The following ANKRD46 variants were observed in gnomAD, a reference collection of about 807,000 sequenced individuals.
The protein encoded by ANKRD46 is ankyrin repeat domain 46.
ANKRD46 carries 13 observed loss-of-function variants against 19.8 expected under a neutral mutation model. The ratio of observed to expected loss-of-function variants is 0.66; its 90% CI spans 0.43 to 1.04. The LOEUF (loss-of-function observed/expected upper bound fraction) is 1.04, where lower values mean the gene tolerates loss of function less well. ANKRD46 is among the 50% of genes least tolerant of loss of function. ANKRD46 has a pLI of 0.00. For synonymous variants in ANKRD46, 91 were observed against 106.9 expected, an observed-to-expected ratio of 0.85 and a Z score of 0.92; for missense variants, 185 against 274.8, an observed-to-expected ratio of 0.67 and a Z score of 2.31.
chr8:100,516,368 T>C (rs1339879717), downstream of ANKRD46, among the ~76,000 whole-genome samples: 1 of 152,226 alleles, frequency 6.6e-6, no homozygotes, highest in Non-Finnish European at 1.5e-5. Flanking sequence ...AAGACTGCAT[T>C]TTGAATATGA....
rs767492947 is a variant in ANKRD46 at position 100,529,767 on chromosome 8, C to T, written c.67G>A (p.Gly23Arg). The change falls in exon 3 of 5, where the codon GGG becomes AGG. Residue 23 changes from glycine to arginine, a missense_variant. Transcript: ENST00000335659. This position sits in a 1 kb window ranked among gnomAD's most constrained non-coding sequence, Gnocchi z 5.8. The stretch of plus-strand genomic sequence containing the variant: ...AGCCGCTTGGAATAATTAAAGTCCC[C>T]ATCAATACAGGCTTGCAGCAAGGGC... ...NVPLLQACID[G>R]DFNYSKRLLE... is the part of the protein sequence containing the mutation. 1 of 1,614,220 alleles carries T rather than the reference C, an allele frequency of 6.2e-7. No homozygotes were observed. Among genetic ancestry groups the T allele is most frequent in the South Asian group, 1.1e-5 (1 of 91,086 alleles).
intron 1 of ANKRD46, among the ~76,000 whole-genome samples, chr8:100,552,430 A>G (rs2130706764): frequency 6.6e-6 from 1 of 151,828 alleles, no homozygotes; most frequent in Middle Eastern, 3.4e-3. Flanking sequence ...ACATGAATTT[A>G]ATATATTATT....
Position 100,532,121 on chromosome 8 carries a change from T to C in ANKRD46, c.-28+1088A>G, listed in dbSNP as rs1428305769. On this transcript the variant is annotated intron_variant, in intron 2 of 4. Transcript: ENST00000335659. The surrounding 1 kb of genome is among the most constrained non-coding windows in gnomAD (Gnocchi z 4.7). ...CGAAAAAAAGTTTATGATTAAAAACTACAGAGATTAAAATCAAAATAAACT... is the reference window on the plus strand; with the variant it reads ...CGAAAAAAAGTTTATGATTAAAAACCACAGAGATTAAAATCAAAATAAACT... 6.6e-6 allele frequency among the ~76,000 whole-genome samples: 1 copy of C among 152,148 alleles called. No homozygotes were observed. Among genetic ancestry groups the C allele is most frequent in the Non-Finnish European group, 1.5e-5 (1 of 68,006 alleles).
At chr8:100,515,095 TTTTG>T (rs1811607517) in intron 5 of ANKRD46, among the ~76,000 whole-genome samples, 1 of 152,160 alleles carries the variant, frequency 6.6e-6, no homozygotes, top group Non-Finnish European at 1.5e-5. Flanking sequence ...GTTTTTTTGT[TTTTG>T]TTTTTGTTTT....
chr8:100,537,139 A>G lies in ANKRD46; in HGVS notation c.-130-3828T>C, dbSNP rs1017075926. On this transcript the variant is annotated intron_variant, in intron 1 of 4. Transcript: ENST00000335659. The surrounding 1 kb of genome is among the most constrained non-coding windows in gnomAD (Gnocchi z 4.2). ...AATCTGTAAAACTTTAAGATATAAT[A>G]GTATTCTTAATGGTTAAGGACTAAT... Among the ~76,000 whole-genome samples the G allele has an allele frequency of 2.0e-5, 3 of 152,334 alleles. No homozygotes were observed. Among genetic ancestry groups the G allele is most frequent in the African/African-American group, 7.2e-5 (3 of 41,572 alleles).
In ANKRD46 at chr8:100,521,940, T is replaced by C. The variant is rs1396367035; in HGVS notation, c.*615A>G. The C allele has an allele frequency of 2.0e-6, 2 of 981,880 alleles. No homozygotes were observed. Among genetic ancestry groups the C allele is most frequent in the African/African-American group, 3.5e-5 (2 of 57,258 alleles). 60.8% of individuals were successfully genotyped at this position (981,880 alleles called of 1,614,324 possible). A position where few individuals can be genotyped will look rare whatever the true frequency, so the allele number is the denominator to read the frequency against. On this transcript the variant is annotated 3_prime_UTR_variant, in exon 5 of 5. Transcript: ENST00000335659. Reference sequence around the variant, plus strand: ...AAATTATCCTAAAAACAAATAAATATAAGATCAAATCAATTATCTTTGAAC... The same window carrying C: ...AAATTATCCTAAAAACAAATAAATACAAGATCAAATCAATTATCTTTGAAC...
At chr8:100,556,425 A>G (rs1360608350) in intron 1 of ANKRD46, 1 of 152,242 alleles carries the variant, frequency 6.6e-6, no homozygotes, top group Non-Finnish European at 1.5e-5. Context: ...GCAGTAGGAT[A>G]GCTATTTTAT....
chr8:100,519,470 T>C (rs145546916), downstream of ANKRD46, among the ~76,000 whole-genome samples: 2 of 152,316 alleles, frequency 1.3e-5, no homozygotes, highest in African/African-American at 4.8e-5. Flanking sequence ...CCTACCTTTT[T>C]ATGTAAACGG....
chr8:100,527,723 G>T lies in ANKRD46; in HGVS notation c.470+122C>A. ...CTTAAAAAATCGTATTATCTTGCTG[G>T]GTGTGGCTACATGTGCCTATAGTCC... On this transcript the variant is annotated intron_variant, in intron 4 of 4. Coordinates refer to ENST00000335659, the MANE Select transcript of ANKRD46 (RefSeq NM_001270377.2). This position sits in a 1 kb window ranked among gnomAD's most constrained non-coding sequence, Gnocchi z 4.0. The T allele has an allele frequency of 1.0e-6, 1 of 963,710 alleles. No individual in the cohort carries two copies. The highest frequency in any genetic ancestry group is 1.5e-6 in the Non-Finnish European group (1 of 675,058). 59.7% of individuals were successfully genotyped at this position (963,710 alleles called of 1,614,324 possible).
In ANKRD46 at chr8:100,522,429, T is replaced by C. The variant is rs1811742176; in HGVS notation, c.*126A>G. The C allele has an allele frequency of 2.1e-6, 3 of 1,453,826 alleles. No homozygotes were observed. The East Asian group carries it at 7.5e-5, about 36-fold the overall frequency. 90.1% of individuals were successfully genotyped at this position (1,453,826 alleles called of 1,614,324 possible). A position where few individuals can be genotyped will look rare whatever the true frequency, so the allele number is the denominator to read the frequency against. On this transcript the variant is annotated 3_prime_UTR_variant, in exon 5 of 5. Transcript: ENST00000335659. The stretch of plus-strand genomic sequence containing the variant: ...TCATTATCTAAAAGGATTACAATAA[T>C]TAAAAATGCAAAAAGAACATGTACT...
downstream of ANKRD46, among the ~76,000 whole-genome samples, chr8:100,519,291 G>A (rs1192188473): frequency 2.0e-5 from 3 of 152,200 alleles, no homozygotes; most frequent in Non-Finnish European, 4.4e-5. Flanking sequence ...CTACGAGGGA[G>A]TCACAGGAAA....
At chr8:100,553,506 A>T (rs1812435218) in intron 1 of ANKRD46, among the ~76,000 whole-genome samples, 1 of 152,196 alleles carries the variant, frequency 6.6e-6, no homozygotes, top group South Asian at 2.1e-4. Context: ...TAATCCTAGC[A>T]CTTTGGGAGG....
intron 1 of ANKRD46, among the ~76,000 whole-genome samples, chr8:100,541,520 T>C (rs1216058348): frequency 6.6e-6 from 1 of 152,202 alleles, no homozygotes; most frequent in Admixed American, 6.5e-5. Flanking sequence ...CTCAGGTGCC[T>C]ACACAAGCCT....
Position 100,532,106 on chromosome 8 carries a change from TTTA to T in ANKRD46, c.-28+1100_-28+1102del, listed in dbSNP as rs1407511343. On this transcript the variant is annotated intron_variant, in intron 2 of 4. Transcript: ENST00000335659. The surrounding 1 kb of genome is among the most constrained non-coding windows in gnomAD (Gnocchi z 4.7). ...GAATAATTTCAAATACGAAAAAAAGTTTATGATTAAAAACTACAGAGATTAAAA... is the reference window on the plus strand; with the variant it reads ...GAATAATTTCAAATACGAAAAAAAGTTGATTAAAAACTACAGAGATTAAAA... Among the ~76,000 whole-genome samples the T allele has an allele frequency of 6.6e-6, 1 of 152,116 alleles. No individual in the cohort carries two copies. Among genetic ancestry groups the T allele is most frequent in the Non-Finnish European group, 1.5e-5 (1 of 68,012 alleles).
rs747261155 is a variant in ANKRD46, at chr8:100,543,344, G to T, written c.-130-10033C>A. ...ATCTCAAAACCATTTAATATTTTGC[G>T]ATTTGTTCTATAACAAATACTAAGG... is the stretch of plus-strand genomic sequence containing the variant. On this transcript the variant is annotated intron_variant, in intron 1 of 4. Coordinates refer to ENST00000335659, the MANE Select transcript of ANKRD46 (RefSeq NM_001270377.2). This position sits in a 1 kb window ranked among gnomAD's most constrained non-coding sequence, Gnocchi z 4.2. Among the ~76,000 whole-genome samples the T allele has an allele frequency of 6.6e-6, 1 of 152,044 alleles. No individual in the cohort carries two copies. The highest frequency in any genetic ancestry group is 1.5e-5 in the Non-Finnish European group (1 of 68,026).
At chr8:100,533,112 G>A (rs1811998393) in intron 2 of ANKRD46, 97 bp downstream of exon 2, 1 of 152,162 alleles carries the variant, frequency 6.6e-6, no homozygotes, top group South Asian at 2.1e-4. Context: ...CCCAATGATA[G>A]TTATTTTTCA....
At chr8:100,542,300 G>A (rs1008317500) in intron 1 of ANKRD46, among the ~76,000 whole-genome samples, 6 of 151,988 alleles carry the variant, frequency 3.9e-5, no homozygotes, top group African/African-American at 1.5e-4. Context: ...TGACCTCCAG[G>A]GGCCCTCATA....
chr8:100,551,034 A>G, intron 1 of ANKRD46: 1 of 512,362 alleles, frequency 2.0e-6, no homozygotes. Context: ...AGGCCATGCT[A>G]GTGAGCTTCC....
chr8:100,538,823 A>G (rs923671335), intron 1 of ANKRD46, among the ~76,000 whole-genome samples: 18 of 152,350 alleles, frequency 1.2e-4, no homozygotes, highest in African/African-American at 4.1e-4. Context: ...CACTGCTCTT[A>G]GGAGAGTACC....
Sources: gnomAD v4.1 joint callset for allele counts (sites outside exome capture counted in the v4.1 genomes callset) on GRCh38, gnomAD v4.1.1 for gene constraint, Gnocchi (gnomAD v3.1) non-coding constraint, MANE v1.5 for transcripts, NCBI Gene and HGNC (gene_info 2026-07-23, HGNC 2026-07-21) for gene names.